The following PRKRA variants were observed in gnomAD, a reference collection of about 807,000 sequenced individuals.
PRKRA encodes protein activator of interferon induced protein kinase EIF2AK2.
Under a neutral mutation model 32.4 loss-of-function variants are expected in PRKRA, and 22 were observed. The ratio of observed to expected loss-of-function variants is 0.68; its 90% CI spans 0.49 to 0.97. The LOEUF (loss-of-function observed/expected upper bound fraction) is 0.97. Ranked by LOEUF, PRKRA falls within the 50% of genes least tolerant of loss-of-function variation. The pLI, the probability that PRKRA is intolerant of heterozygous loss-of-function variation, is 0.00. For synonymous variants in PRKRA, 139 were observed against 129.8 expected (o/e 1.07, Z -0.48); for missense variants, 319 against 375.6 (o/e 0.85, Z 1.25).
In PRKRA at chr2:178,436,140, C is replaced by T; in HGVS notation, c.784+5G>A. 2 of 794,010 alleles carry T rather than the reference C, an allele frequency of 2.5e-6. No homozygotes were observed. Among genetic ancestry groups the T allele is most frequent in the Middle Eastern group, 5.9e-4 (2 of 3,372 alleles). The allele number at this position is 794,010 out of a possible 1,614,324, so 49.2% of individuals were successfully genotyped here. A position where few individuals can be genotyped will look rare whatever the true frequency, so the allele number is the denominator to read the frequency against. On this transcript the variant is annotated splice_donor_5th_base_variant and intron_variant, in intron 7 of 7. Coordinates refer to ENST00000325748, the MANE Select transcript of PRKRA (RefSeq NM_003690.5). ...TTGGGAAAGCCAAAGAAAAAAAAAT[C>T]ATACCTATATCCAAATATGTTATAT... is the stretch of plus-strand genomic sequence containing the variant.
chr2:178,446,101 G>A (rs565057501), intron 3 of PRKRA, among the ~76,000 whole-genome samples: 2 of 152,040 alleles, frequency 1.3e-5, no homozygotes, highest in East Asian at 3.9e-4. Flanking sequence ...TGCAATCTCC[G>A]CCTCCCGGGT....
At chr2:178,449,087 C>T (rs949431579) in intron 2 of PRKRA, among the ~76,000 whole-genome samples, 1 of 152,096 alleles carries the variant, frequency 6.6e-6, no homozygotes, top group African/African-American at 2.4e-5. Context: ...GCCATGGAGG[C>T]AGATAAGCTT....
intron 6 of PRKRA, among the ~76,000 whole-genome samples, chr2:178,438,501 A>C (rs953950518): frequency 2.6e-5 from 4 of 152,230 alleles, no homozygotes; most frequent in Non-Finnish European, 5.9e-5. Flanking sequence ...TCCTCTGACT[A>C]TTCCTGGCCC....
At chr2:178,434,472 CA>C (rs1462518714) in intron 7 of PRKRA, among the ~76,000 whole-genome samples, 1 of 151,606 alleles carries the variant, frequency 6.6e-6, no homozygotes, top group Non-Finnish European at 1.5e-5. Context: ...GGCTGGAGAG[CA>C]GCGGCATGAT....
intron 3 of PRKRA, chr2:178,447,296 C>A: frequency 2.7e-6 from 2 of 752,874 alleles, no homozygotes; most frequent in Admixed American, 3.1e-5. Flanking sequence ...AAGCCTAGTT[C>A]ATGAGCACCT....
intron 5 of PRKRA, among the ~76,000 whole-genome samples, chr2:178,442,377 C>T (rs890482889): frequency 6.6e-6 from 1 of 152,134 alleles, no homozygotes; most frequent in African/African-American, 2.4e-5. Context: ...CTCTCAATGT[C>T]TATTTCCTGC....
In PRKRA at chr2:178,447,580, C is replaced by G; in HGVS notation, c.242G>C (p.Gly81Ala). 6.2e-7 allele frequency: 1 copy of G among 1,614,088 alleles called. No individual in the cohort carries two copies. The highest frequency in any genetic ancestry group is 8.5e-7 in the Non-Finnish European group (1 of 1,179,986). Residue 81 changes from glycine to alanine, a missense_variant, in exon 3 of 8, where the codon GGT becomes GCT. Coordinates refer to ENST00000325748, the MANE Select transcript of PRKRA (RefSeq NM_003690.5). The stretch of plus-strand genomic sequence containing the variant: ...ATGTTTCGCCAGCTTCTTACTTGTA[C>G]CTTCACCTGAATTAAGATTTAAAAA... ...TVGDITCTGE[G>A]TSKKLAKHRA...
chr2:178,447,013 A>T (rs1697342025), intron 3 of PRKRA, among the ~76,000 whole-genome samples: 1 of 151,428 alleles, frequency 6.6e-6, no homozygotes, highest in Admixed American at 6.6e-5. Flanking sequence ...AAAAAAAAAA[A>T]AAAATCTTAC....
At chr2:178,441,846 AC>A (rs1697127266) in intron 5 of PRKRA, 142 bp from the exon 6 acceptor site, 1 of 710,370 alleles carries the variant, frequency 1.4e-6, no homozygotes, top group Non-Finnish European at 2.4e-6. Flanking sequence ...TGACCTGATA[AC>A]TTTGTTTGTT....
At chr2:178,442,460 G>A (rs1266753651) in intron 5 of PRKRA, among the ~76,000 whole-genome samples, 1 of 152,134 alleles carries the variant, frequency 6.6e-6, no homozygotes, top group Non-Finnish European at 1.5e-5. Flanking sequence ...AGGGGATGGT[G>A]GAGTTGAAAG....
chr2:178,442,828 A>G (rs1344206808), intron 5 of PRKRA, among the ~76,000 whole-genome samples: 2 of 152,232 alleles, frequency 1.3e-5, no homozygotes, highest in African/African-American at 4.8e-5. Context: ...ATTAAGAAAG[A>G]TAATTTTCAT....
At chr2:178,440,464 A>G (rs1697069112) in intron 6 of PRKRA, among the ~76,000 whole-genome samples, 1 of 152,168 alleles carries the variant, frequency 6.6e-6, no homozygotes, top group Admixed American at 6.5e-5. Context: ...TTGTTCAGCT[A>G]CTCGATATAT....
chr2:178,438,311 A>G (rs888092951), intron 6 of PRKRA, among the ~76,000 whole-genome samples: 2 of 150,532 alleles, frequency 1.3e-5, no homozygotes, highest in Non-Finnish European at 2.9e-5. Context: ...GAAGCATTCT[A>G]AATAGATGTC....
At chr2:178,447,478 T>C (rs1187256007) in intron 3 of PRKRA, 27 bp downstream of exon 3, 10 of 1,177,658 alleles carry the variant, frequency 8.5e-6, no homozygotes, top group Non-Finnish European at 1.2e-5. Flanking sequence ...ATTTTTGAGC[T>C]GCTGAATACA....
chr2:178,440,056 A>ATC (rs1697056315), intron 6 of PRKRA: 1 of 151,790 alleles, frequency 6.6e-6, no homozygotes, highest in African/African-American at 2.4e-5. Flanking sequence ...CCTTTATGTT[A>ATC]TCTATACATT....
At chr2:178,450,935 G>T in intron 1 of PRKRA, 31 bp downstream of exon 1, 1 of 845,606 alleles carries the variant, frequency 1.2e-6, no homozygotes, top group Non-Finnish European at 1.6e-6. Context: ...AACGCTCCCG[G>T]CCCTGGGGCC....
chr2:178,436,904 T>G (rs2154124798), intron 6 of PRKRA, among the ~76,000 whole-genome samples: 1 of 152,298 alleles, frequency 6.6e-6, no homozygotes, highest in South Asian at 2.1e-4. Flanking sequence ...TTTTTTTCCT[T>G]TTTCTTTCTG....
intron 6 of PRKRA, among the ~76,000 whole-genome samples, chr2:178,441,349 G>A (rs999060377): frequency 1.2e-4 from 18 of 152,156 alleles, no homozygotes; most frequent in Admixed American, 1.2e-3. Flanking sequence ...GGCAAAAATG[G>A]CACTACTGGC....
intron 2 of PRKRA, among the ~76,000 whole-genome samples, chr2:178,449,007 C>A (rs554888788): frequency 2.0e-5 from 3 of 152,204 alleles, no homozygotes; most frequent in African/African-American, 7.2e-5. Context: ...CAGACTGATA[C>A]ACTATTCTGT....
Sources: gnomAD v4.1 joint callset for allele counts (sites outside exome capture counted in the v4.1 genomes callset) on GRCh38, gnomAD v4.1.1 for gene constraint, MANE v1.5 for transcripts, NCBI Gene and HGNC (gene_info 2026-07-23, HGNC 2026-07-21) for gene names.